Variants in KCNMB2 observed in about 807,000 individuals in gnomAD.
KCNMB2 encodes potassium calcium-activated channel subfamily M regulatory beta subunit 2.
Under a neutral mutation model 24.5 loss-of-function variants are expected in KCNMB2, and 9 were observed. The ratio of observed to expected loss-of-function variants is 0.37; its 90% CI spans 0.22 to 0.64. The LOEUF is 0.64. KCNMB2 is among the 30% of genes least tolerant of loss of function. The probability of loss-of-function intolerance (pLI) is 0.63; values close to 1 mark genes in which losing one functional copy is unlikely to be tolerated. For synonymous variants in KCNMB2, 109 were observed against 104.4 expected, an observed-to-expected ratio of 1.04 and a Z score of -0.27; for missense variants, 226 against 284.3, an observed-to-expected ratio of 0.79 and a Z score of 1.47.
intron 1 of KCNMB2, among the ~76,000 whole-genome samples, chr3:178,656,042 T>A (rs1358224200): frequency 1.3e-5 from 2 of 152,190 alleles, no homozygotes; most frequent in African/African-American, 4.8e-5. Context: ...TATTTCCTTT[T>A]TGAAAGTGGC....
intron 1 of KCNMB2, among the ~76,000 whole-genome samples, chr3:178,602,684 G>C (rs894968855): frequency 6.6e-6 from 1 of 152,088 alleles, no homozygotes; most frequent in African/African-American, 2.4e-5. Flanking sequence ...GCTGGAGAGA[G>C]GAGGCAGGGT....
chr3:178,764,787 A>G (rs1712048457), intron 1 of KCNMB2, among the ~76,000 whole-genome samples: 2 of 152,220 alleles, frequency 1.3e-5, no homozygotes, highest in South Asian at 4.1e-4. Context: ...AGTGACATGC[A>G]TATATAGCAA....
chr3:178,572,530 A>G (rs966915990), intron 1 of KCNMB2, among the ~76,000 whole-genome samples: 1 of 152,250 alleles, frequency 6.6e-6, no homozygotes, highest in Non-Finnish European at 1.5e-5. Context: ...AACAAAGGAA[A>G]TGTATTAATC....
In KCNMB2 at chr3:178,693,542, G is replaced by T. The variant is rs112067283; in HGVS notation, c.-67-113801G>T. On this transcript the variant is annotated intron_variant, in intron 1 of 4. Transcript: ENST00000452583. ...TTGTCTTTAGCTCTGTTAATGTGATGAATCACATTTATTTATTTGTATATG... is the reference window on the plus strand; with the variant it reads ...TTGTCTTTAGCTCTGTTAATGTGATTAATCACATTTATTTATTTGTATATG... Among the ~76,000 whole-genome samples the T allele has an allele frequency of 1.7e-3, 252 of 152,256 alleles. 1 individual carries two copies. The highest frequency in any genetic ancestry group is 5.8e-3 in the African/African-American group (241 of 41,542).
At chr3:178,761,499 A>G (rs1711874844) in intron 1 of KCNMB2, among the ~76,000 whole-genome samples, 1 of 152,218 alleles carries the variant, frequency 6.6e-6, no homozygotes, top group Admixed American at 6.5e-5. Context: ...TTGGCAAAAC[A>G]AAAGATAGAT....
At chr3:178,788,926 C>T (rs1713213888) in intron 1 of KCNMB2, among the ~76,000 whole-genome samples, 1 of 152,204 alleles carries the variant, frequency 6.6e-6, no homozygotes. Flanking sequence ...AACTCGGTGC[C>T]TGCCACCTAG....
intron 2 of KCNMB2, among the ~76,000 whole-genome samples, chr3:178,811,049 G>A (rs1200648615): frequency 6.6e-6 from 1 of 151,864 alleles, no homozygotes; most frequent in Non-Finnish European, 1.5e-5. Context: ...ACCACACCCG[G>A]CCCGATCCCT....
At chr3:178,698,592 C>G (rs1293475819) in intron 1 of KCNMB2, among the ~76,000 whole-genome samples, 3 of 152,196 alleles carry the variant, frequency 2.0e-5, no homozygotes, top group Admixed American at 2.0e-4. Flanking sequence ...TCTTTCCTAT[C>G]TATATACCGA....
intron 1 of KCNMB2, among the ~76,000 whole-genome samples, chr3:178,652,602 T>TC (rs533709833): frequency 2.5e-4 from 38 of 152,098 alleles, no homozygotes; most frequent in African/African-American, 8.7e-4. Flanking sequence ...TAAGGTAATT[T>TC]CCCCTCTTTG....
chr3:178,700,780 C>A (rs1722062884), intron 1 of KCNMB2, among the ~76,000 whole-genome samples: 2 of 146,914 alleles, frequency 1.4e-5, no homozygotes, highest in Admixed American at 6.7e-5. Context: ...AAAAAAAAAA[C>A]CAACAACAAG....
At chr3:178,776,188 C>G (rs140193467) in intron 1 of KCNMB2, among the ~76,000 whole-genome samples, 1 of 152,250 alleles carries the variant, frequency 6.6e-6, no homozygotes, top group East Asian at 1.9e-4. Flanking sequence ...CTCCAAAGCA[C>G]CTCTCATTTT....
chr3:178,717,621 G>C (rs1722660928), intron 1 of KCNMB2, among the ~76,000 whole-genome samples: 1 of 152,132 alleles, frequency 6.6e-6, no homozygotes, highest in South Asian at 2.1e-4. Context: ...AATTGAAATA[G>C]CTTCAGGGAG....
intron 1 of KCNMB2, among the ~76,000 whole-genome samples, chr3:178,737,390 G>GT (rs369893754): frequency 6.6e-6 from 1 of 152,048 alleles, no homozygotes; most frequent in East Asian, 1.9e-4. Flanking sequence ...TTGTTTGTTT[G>GT]TTTTTTACTT....
chr3:178,842,886 T>C lies in KCNMB2; in HGVS notation c.657T>C (p.Leu219=), dbSNP rs917830696. Residue 219 remains leucine (L), a synonymous_variant, in exon 5 of 5, where the codon CTT becomes CTC. Transcript: ENST00000452583. ...TGGCAATTGTTGCCATGGTGAAACT[T>C]ACACAGTACCTCTCCCTACTATGTG... ...GGVAIVAMVK[L]TQYLSLLCER... is the part of the protein sequence containing the mutation. 2 of 1,613,874 alleles carry C rather than the reference T, an allele frequency of 1.2e-6. No individual in the cohort carries two copies. The highest frequency in any genetic ancestry group is 2.7e-5 in the African/African-American group (2 of 74,916).
intron 1 of KCNMB2, among the ~76,000 whole-genome samples, chr3:178,790,854 A>G (rs539593083): frequency 6.6e-6 from 1 of 152,234 alleles, no homozygotes; most frequent in South Asian, 2.1e-4. Context: ...TACCAAGACA[A>G]TTAAGGTAGT....
In KCNMB2 at chr3:178,757,702, CCAAGAGGA is replaced by C. The variant is rs1724173400; in HGVS notation, c.-67-49640_-67-49633del. On this transcript the variant is annotated intron_variant, in intron 1 of 4. Transcript: ENST00000452583. ...AGAGGATATATATATGTATATATAT[CCAAGAGGA>C]TATATATATGTATATATATCCAAGA... Among the ~76,000 whole-genome samples, 2 of 42,402 alleles carry C rather than the reference CCAAGAGGA, an allele frequency of 4.7e-5. 1 individual carries two copies. Among genetic ancestry groups the C allele is most frequent in the African/African-American group, 1.9e-4 (2 of 10,574 alleles). The allele number at this position is 42,402 out of a possible 152,430, so 27.8% of individuals were successfully genotyped here. A position where few individuals can be genotyped will look rare whatever the true frequency, so the allele number is the denominator to read the frequency against.
At chr3:178,671,688 G>A (rs939394286) in intron 1 of KCNMB2, among the ~76,000 whole-genome samples, 5 of 152,146 alleles carry the variant, frequency 3.3e-5, no homozygotes, top group African/African-American at 4.8e-5. Flanking sequence ...TTCAGGCCAC[G>A]TCACCCTGCT....
rs10677144 is a variant in KCNMB2, at chr3:178,586,538, C to CTTTTTTTTTTTTTTTTTTTTTTTTTTTTT, written c.-68+49852_-68+49853insTTTTTTTTTTTTTTTTTTTTTTTTTTTTT. On this transcript the variant is annotated intron_variant, in intron 1 of 4. Coordinates refer to ENST00000452583, the MANE Select transcript of KCNMB2 (RefSeq NM_181361.3). ...ATTTTCTTTTCTTTTTTTTTTCTTTCTTTTTTTTTTTTTTTTTTTTTTTTT... is the reference window on the plus strand; with the variant it reads ...ATTTTCTTTTCTTTTTTTTTTCTTTCTTTTTTTTTTTTTTTTTTTTTTTTTTTTTTTTTTTTTTTTTTTTTTTTTTTTTT... Among the ~76,000 whole-genome samples the CTTTTTTTTTTTTTTTTTTTTTTTTTTTTT allele has an allele frequency of 1.6e-4, 11 of 68,496 alleles. 3 individuals carry two copies. The highest frequency in any genetic ancestry group is 2.5e-4 in the Admixed American group (1 of 3,986). 44.9% of individuals were successfully genotyped at this position (68,496 alleles called of 152,430 possible). A position where few individuals can be genotyped will look rare whatever the true frequency, so the allele number is the denominator to read the frequency against.
chr3:178,667,910 G>A (rs867176707), intron 1 of KCNMB2, among the ~76,000 whole-genome samples: 1 of 152,092 alleles, frequency 6.6e-6, no homozygotes, highest in Non-Finnish European at 1.5e-5. Context: ...GTCCACAGTG[G>A]GTGGTTGGCT....
Sources: gnomAD v4.1 joint callset for allele counts (sites outside exome capture counted in the v4.1 genomes callset) on GRCh38, gnomAD v4.1.1 for gene constraint, MANE v1.5 for transcripts, NCBI Gene and HGNC (gene_info 2026-07-23, HGNC 2026-07-21) for gene names.